IRAG1: variants seen among roughly 807,000 people sequenced by gnomAD.
IRAG1 encodes inositol 1,4,5-triphosphate receptor associated 1, also known as IP3R-associated cGMP kinase substrate.
IRAG1 carries 62 observed loss-of-function variants against 106.2 expected under a neutral mutation model. The observed-to-expected ratio is 0.58, with a 90% CI of 0.48 to 0.72. The LOEUF (loss-of-function observed/expected upper bound fraction) is 0.72. Among genes scored for constraint, IRAG1 ranks in the 30% least tolerant of loss-of-function variants. The pLI, the probability that IRAG1 is intolerant of heterozygous loss-of-function variation, is 0.00. For synonymous variants in IRAG1, 462 were observed against 443.9 expected (o/e 1.04, Z -0.51); for missense variants, 1,064 against 1,140.7 (o/e 0.93, Z 0.97).
chr11:10,584,148 TGGA>T (rs1851681229), intron 18 of IRAG1, among the ~76,000 whole-genome samples: 1 of 152,138 alleles, frequency 6.6e-6, no homozygotes, highest in African/African-American at 2.4e-5. Context: ...AATGTCGTCA[TGGA>T]GGAGTCCTCC....
chr11:10,624,885 G>A (rs1338330987), intron 9 of IRAG1, among the ~76,000 whole-genome samples: 1 of 152,136 alleles, frequency 6.6e-6, no homozygotes, highest in African/African-American at 2.4e-5. Flanking sequence ...GCCCATGAAG[G>A]CAAATCCCTG....
In IRAG1 at chr11:10,628,634, C is replaced by T. The variant is rs929281157; in HGVS notation, c.652+117G>A. ...GGGTCTTGCTCTGGGTGTGAAGGGG[C>T]CATCAGAGTTCTTGAAGGGGAAGCC... On this transcript the variant is annotated intron_variant, in intron 6 of 20. Transcript: ENST00000423302. This position sits in a 1 kb window ranked among gnomAD's most constrained non-coding sequence, Gnocchi z 4.1. 7.6e-5 allele frequency: 64 copies of T among 839,124 alleles called. No homozygotes were observed. The African/African-American group carries it at 1.1e-3, about 14-fold the overall frequency. The allele number at this position is 839,124 out of a possible 1,614,324, so 52.0% of individuals were successfully genotyped here. A position where few individuals can be genotyped will look rare whatever the true frequency, so the allele number is the denominator to read the frequency against.
In IRAG1 at chr11:10,659,789, G is replaced by T. The variant is rs117556857; in HGVS notation, c.68-7607C>A. On this transcript the variant is annotated intron_variant, in intron 1 of 20. Coordinates refer to ENST00000423302, the MANE Select transcript of IRAG1 (RefSeq NM_130385.4). The surrounding 1 kb of genome is among the most constrained non-coding windows in gnomAD (Gnocchi z 4.1). ...ATTGCTCAATCGGAGGCAGTTCAAA[G>T]GCACCGAGAATAGCAGCAAAGTATC... is the stretch of plus-strand genomic sequence containing the variant. 2.5e-3 allele frequency among the ~76,000 whole-genome samples: 377 copies of T among 152,010 alleles called. 1 individual carries two copies. Among genetic ancestry groups the T allele is most frequent in the Non-Finnish European group, 4.9e-3 (333 of 67,958 alleles).
chr11:10,614,935 C>G (rs1450593687), intron 10 of IRAG1, among the ~76,000 whole-genome samples: 1 of 152,162 alleles, frequency 6.6e-6, no homozygotes, highest in Non-Finnish European at 1.5e-5. Context: ...CCAAAATTGA[C>G]AAATGGGATC....
At chr11:10,616,510 T>C (rs1855442001) in intron 10 of IRAG1, among the ~76,000 whole-genome samples, 1 of 151,874 alleles carries the variant, frequency 6.6e-6, no homozygotes, top group Non-Finnish European at 1.5e-5. Context: ...TTAAAACTCA[T>C]ACCAAAGCAA....
At chr11:10,691,942 C>T (rs1188206374) in intron 1 of IRAG1, among the ~76,000 whole-genome samples, 1 of 152,136 alleles carries the variant, frequency 6.6e-6, no homozygotes, top group Admixed American at 6.5e-5. Flanking sequence ...ATGACCCCTG[C>T]TTTGTAGAGC....
At chr11:10,636,847 G>T (rs891614163) in intron 2 of IRAG1, among the ~76,000 whole-genome samples, 2 of 152,196 alleles carry the variant, frequency 1.3e-5, no homozygotes, top group South Asian at 4.1e-4. Context: ...GACAGGATTT[G>T]GCCAAAGGGA....
rs576120418 is a variant in IRAG1 at position 10,595,226 on chromosome 11, G to GT, written c.2018-1032dup. ...AGGCATGAACCACCACACCTGGCCTGTTTTTTTCATAATCTAATCTGAGAT... is the reference window on the plus strand; with the variant it reads ...AGGCATGAACCACCACACCTGGCCTGTTTTTTTTCATAATCTAATCTGAGAT... On this transcript the variant is annotated intron_variant, in intron 15 of 20. Transcript: ENST00000423302. Among the ~76,000 whole-genome samples, 294 of 152,078 alleles carry GT rather than the reference G, an allele frequency of 1.9e-3. 1 individual carries two copies. The highest frequency in any genetic ancestry group is 6.7e-3 in the African/African-American group (277 of 41,448).
intron 1 of IRAG1, among the ~76,000 whole-genome samples, chr11:10,666,455 C>T (rs145590565): frequency 2.0e-5 from 3 of 152,334 alleles, no homozygotes; most frequent in East Asian, 1.9e-4. Context: ...CAATACAGAG[C>T]CAGGCGACAG....
intron 1 of IRAG1, among the ~76,000 whole-genome samples, chr11:10,671,749 A>G (rs1860245197): frequency 6.6e-6 from 1 of 151,934 alleles, no homozygotes; most frequent in African/African-American, 2.4e-5. Flanking sequence ...AACAACAACA[A>G]CAAAAACCAG....
intron 4 of IRAG1, 51 bp from the exon 5 acceptor site, chr11:10,629,762 G>C (rs1856547270): frequency 1.3e-6 from 2 of 1,574,560 alleles, no homozygotes; most frequent in African/African-American, 2.7e-5. Context: ...CGTGGCCCCA[G>C]GCTGAGGTCA....
chr11:10,614,181 C>T (rs1404102596), intron 10 of IRAG1, among the ~76,000 whole-genome samples: 4 of 152,180 alleles, frequency 2.6e-5, no homozygotes, highest in African/African-American at 9.7e-5. Flanking sequence ...CCTTCTGACC[C>T]ACCCTAGCCC....
intron 1 of IRAG1, among the ~76,000 whole-genome samples, chr11:10,680,807 C>T (rs376035330): frequency 8.5e-5 from 13 of 152,138 alleles, no homozygotes; most frequent in African/African-American, 2.4e-4. Flanking sequence ...TAGAACAATG[C>T]CTTTTGTGAC....
At chr11:10,680,020 T>A (rs994827396) in intron 1 of IRAG1, among the ~76,000 whole-genome samples, 7 of 151,944 alleles carry the variant, frequency 4.6e-5, no homozygotes, top group African/African-American at 1.7e-4. Context: ...GCACCTCTAA[T>A]CCCAACACTT....
At chr11:10,640,351 G>T (rs551855076) in intron 2 of IRAG1, among the ~76,000 whole-genome samples, 1 of 152,242 alleles carries the variant, frequency 6.6e-6, no homozygotes, top group Admixed American at 6.5e-5. Context: ...AGCATAAAGC[G>T]ATTAGGAGGA....
rs1339129547 is a variant in IRAG1 at position 10,647,849 on chromosome 11, T to G, written c.225+4176A>C. ...GTTAGGAAGGCTCTGAACACTGTCA[T>G]GGGAGCAAAGACTGAAGAAACTAGA... On this transcript the variant is annotated intron_variant, in intron 2 of 20. Transcript: ENST00000423302. This position sits in a 1 kb window ranked among gnomAD's most constrained non-coding sequence, Gnocchi z 4.3. Among the ~76,000 whole-genome samples the G allele has an allele frequency of 6.6e-6, 1 of 152,028 alleles. No individual in the cohort carries two copies. The highest frequency in any genetic ancestry group is 1.5e-5 in the Non-Finnish European group (1 of 68,010).
At chr11:10,653,660 C>A (rs1444436333) in intron 1 of IRAG1, among the ~76,000 whole-genome samples, 1 of 152,094 alleles carries the variant, frequency 6.6e-6, no homozygotes, top group Non-Finnish European at 1.5e-5. Flanking sequence ...CTCTGAGTCC[C>A]AGTTTTCTTG....
chr11:10,618,523 C>T (rs1312485811), intron 10 of IRAG1, among the ~76,000 whole-genome samples: 1 of 152,138 alleles, frequency 6.6e-6, no homozygotes, highest in Non-Finnish European at 1.5e-5. Context: ...TTCAGGGGAA[C>T]AGAGATTAAT....
At chr11:10,621,703 C>T (rs1477225006) in intron 10 of IRAG1, among the ~76,000 whole-genome samples, 1 of 152,178 alleles carries the variant, frequency 6.6e-6, no homozygotes, top group African/African-American at 2.4e-5. Context: ...TCTTAGCTGA[C>T]TGGGAAGATT....
Sources: allele counts gnomAD v4.1 joint callset (sites outside exome capture counted in the v4.1 genomes callset), GRCh38; gene constraint gnomAD v4.1.1; non-coding constraint Gnocchi (gnomAD v3.1); transcripts MANE v1.5; gene names NCBI Gene and HGNC (gene_info 2026-07-23, HGNC 2026-07-21).